The following PIK3C2A variants were observed in gnomAD, a reference collection of about 807,000 sequenced individuals.
PIK3C2A encodes the protein phosphatidylinositol-4-phosphate 3-kinase catalytic subunit type 2 alpha, also known as phosphatidylinositol 4-phosphate 3-kinase C2 domain-containing subunit alpha.
PIK3C2A carries 97 observed loss-of-function variants against 204.5 expected under a neutral mutation model. The ratio of observed to expected loss-of-function variants is 0.47; its 90% confidence interval spans 0.40 to 0.56. The LOEUF is 0.56. Among genes scored for constraint, PIK3C2A ranks in the 20% least tolerant of loss-of-function variants. The pLI, the probability that PIK3C2A is intolerant of heterozygous loss-of-function variation, is 0.00. For missense variants in PIK3C2A, 1,735 were observed against 1,969.2 expected (o/e 0.88, Z 2.25); for synonymous variants, 653 against 664.4 (o/e 0.98, Z 0.26).
At chr11:17,138,375 C>A (rs1467190131) in intron 8 of PIK3C2A, 1 of 392,612 alleles carries the variant, frequency 2.5e-6, no homozygotes, top group Non-Finnish European at 4.8e-6. Context: ...TCCTCAAAGA[C>A]TACCTCTAGC....
intron 23 of PIK3C2A, among the ~76,000 whole-genome samples, chr11:17,104,522 G>A (rs886678252): frequency 1.3e-5 from 2 of 151,956 alleles, no homozygotes; most frequent in Admixed American, 6.6e-5. Context: ...TCAGGAGATC[G>A]AGACCATCCC....
chr11:17,095,731 ATGGCGAAACCCCAT>A (rs1848435982), intron 27 of PIK3C2A, among the ~76,000 whole-genome samples: 2 of 151,778 alleles, frequency 1.3e-5, no homozygotes, highest in African/African-American at 4.8e-5. Flanking sequence ...CCTGGGCAAC[ATGGCGAAACCCCAT>A]CTCTACTAAA....
At chr11:17,129,131 G>T (rs1346417505) in intron 13 of PIK3C2A, among the ~76,000 whole-genome samples, 169 bp downstream of exon 13, 1 of 152,130 alleles carries the variant, frequency 6.6e-6, no homozygotes, top group Non-Finnish European at 1.5e-5. Flanking sequence ...GACTAACTTT[G>T]ATTTCCTCTA....
At chr11:17,110,944 A>C (rs1040545772) in intron 21 of PIK3C2A, among the ~76,000 whole-genome samples, 1 of 151,980 alleles carries the variant, frequency 6.6e-6, no homozygotes, top group Non-Finnish European at 1.5e-5. Flanking sequence ...GTCTTGCTCT[A>C]TCACCCAGGC....
intron 1 of PIK3C2A, among the ~76,000 whole-genome samples, chr11:17,181,986 G>C (rs1438078176): frequency 2.6e-5 from 4 of 151,732 alleles, no homozygotes. Flanking sequence ...CCAGCTACTT[G>C]GGAGGCTGAG....
intron 1 of PIK3C2A, among the ~76,000 whole-genome samples, chr11:17,205,359 AGC>A (rs1852529948): frequency 6.6e-6 from 1 of 151,280 alleles, no homozygotes; most frequent in Admixed American, 6.6e-5. Context: ...CTGTAGTCCC[AGC>A]TCCTCGGGAG....
intron 13 of PIK3C2A, among the ~76,000 whole-genome samples, chr11:17,124,838 G>A (rs936207913): frequency 6.6e-6 from 1 of 152,070 alleles, no homozygotes; most frequent in Non-Finnish European, 1.5e-5. Flanking sequence ...CAGGCCTTTT[G>A]TTCTGTAGAA....
intron 1 of PIK3C2A, among the ~76,000 whole-genome samples, chr11:17,187,232 T>C (rs1851782586): frequency 6.6e-6 from 1 of 152,116 alleles, no homozygotes; most frequent in South Asian, 2.1e-4. Flanking sequence ...GATTAGCACA[T>C]GAAGACTGGT....
At chr11:17,137,933 TA>T (rs1849929206) in intron 8 of PIK3C2A, 1 of 430,530 alleles carries the variant, frequency 2.3e-6, no homozygotes, top group Non-Finnish European at 4.3e-6. Context: ...CTAATTTTTT[TA>T]AAAAGTCTTT....
intron 1 of PIK3C2A, among the ~76,000 whole-genome samples, chr11:17,176,647 G>A (rs1361296238): frequency 6.6e-6 from 1 of 151,994 alleles, no homozygotes; most frequent in Non-Finnish European, 1.5e-5. Flanking sequence ...TTATTTGGAT[G>A]TGTTGGAGCA....
At chr11:17,158,901 C>A (rs1440846545) in intron 2 of PIK3C2A, among the ~76,000 whole-genome samples, 1 of 152,042 alleles carries the variant, frequency 6.6e-6, no homozygotes, top group Non-Finnish European at 1.5e-5. Flanking sequence ...TAATAATTAT[C>A]TAGTCACACA....
chr11:17,181,138 T>C (rs977113990), intron 1 of PIK3C2A, among the ~76,000 whole-genome samples: 7 of 152,170 alleles, frequency 4.6e-5, no homozygotes, highest in African/African-American at 1.7e-4. Context: ...CCTCTATGTG[T>C]TCACCAACCC....
intron 1 of PIK3C2A, among the ~76,000 whole-genome samples, chr11:17,178,525 T>A (rs940862441): frequency 7.2e-5 from 11 of 152,152 alleles, no homozygotes; most frequent in African/African-American, 2.7e-4. Flanking sequence ...ATTTTATTTT[T>A]ATTTTTTTAA....
intron 2 of PIK3C2A, among the ~76,000 whole-genome samples, chr11:17,157,006 ACT>A (rs1424383187): frequency 1.3e-5 from 2 of 152,046 alleles, no homozygotes; most frequent in African/African-American, 2.4e-5. Flanking sequence ...TATCAATATA[ACT>A]CTGTAATCAA....
At chr11:17,153,715 CA>C (rs1297682870) in intron 3 of PIK3C2A, among the ~76,000 whole-genome samples, 1 of 152,142 alleles carries the variant, frequency 6.6e-6, no homozygotes, top group Non-Finnish European at 1.5e-5. Flanking sequence ...TAACTATAAA[CA>C]AATATCATTC....
At chr11:17,106,376 C>A (rs142497118) in intron 22 of PIK3C2A, among the ~76,000 whole-genome samples, 2 of 152,112 alleles carry the variant, frequency 1.3e-5, no homozygotes, top group Admixed American at 6.5e-5. Context: ...GACACCACTG[C>A]GCTCCAGCCT....
Position 17,088,181 on chromosome 11 carries a change from A to G in PIK3C2A, c.*1557T>C, listed in dbSNP as rs1848202378. On this transcript the variant is annotated 3_prime_UTR_variant, in exon 33 of 33. Transcript: ENST00000691414. ...TTCTAACCATGAGTTCTTATTATAT[A>G]TATGTATATATCCAAATTAACAAAA... 1 of 152,146 alleles carries G rather than the reference A, an allele frequency of 6.6e-6. No homozygotes were observed. The highest frequency in any genetic ancestry group is 2.4e-5 in the African/African-American group (1 of 41,442). 9.4% of individuals were successfully genotyped at this position (152,146 alleles called of 1,614,324 possible).
chr11:17,100,759 T>C (rs1379629287), intron 25 of PIK3C2A, among the ~76,000 whole-genome samples: 1 of 152,228 alleles, frequency 6.6e-6, no homozygotes, highest in Non-Finnish European at 1.5e-5. Flanking sequence ...CTCCTACTTA[T>C]AAGTGAGAAC....
intron 1 of PIK3C2A, among the ~76,000 whole-genome samples, chr11:17,206,865 G>T (rs1370962424): frequency 1.3e-5 from 2 of 152,108 alleles, no homozygotes; most frequent in African/African-American, 2.4e-5. Flanking sequence ...AACCCACCAG[G>T]AAAGATTTCA....
Sources: gnomAD v4.1 joint callset for allele counts (sites outside exome capture counted in the v4.1 genomes callset) on GRCh38, gnomAD v4.1.1 for gene constraint, MANE v1.5 for transcripts, NCBI Gene and HGNC (gene_info 2026-07-23, HGNC 2026-07-21) for gene names.